LAMB4: variants seen among roughly 807,000 people sequenced by gnomAD.
LAMB4 encodes the protein laminin subunit beta 4.
LAMB4 carries 196 observed loss-of-function variants against 199.2 expected under a neutral mutation model. That is an observed-to-expected ratio of 0.98 (90% confidence interval 0.88 to 1.11). The LOEUF (loss-of-function observed/expected upper bound fraction) is 1.11. LAMB4 is among the 50% of genes least tolerant of loss of function. LAMB4 has a pLI of 0.00. For synonymous variants in LAMB4, 744 were observed against 770.6 expected (o/e 0.97, Z 0.57); for missense variants, 2,080 against 2,171.2 (o/e 0.96, Z 0.83).
chr7:108,018,519 C>G, the LAMB4 span, among the ~76,000 whole-genome samples: 1 of 152,076 alleles, frequency 6.6e-6, no homozygotes, highest in East Asian at 1.9e-4. Context: ...GTGGGTGGAT[C>G]ATGAGGTCGG....
chr7:108,026,730 G>C (rs2034851072), intron 33 of LAMB4: 1 of 297,042 alleles, frequency 3.4e-6, no homozygotes, highest in African/African-American at 2.2e-5. Flanking sequence ...CTGAAGACTA[G>C]AGTCCATTCC....
intron 1 of LAMB4, among the ~76,000 whole-genome samples, chr7:108,128,314 C>A (rs2038865543): frequency 6.6e-6 from 1 of 152,156 alleles, no homozygotes; most frequent in South Asian, 2.1e-4. Flanking sequence ...ATGGTGCCAT[C>A]CCTACTGAAG....
At chr7:108,018,465 C>T in the LAMB4 span, among the ~76,000 whole-genome samples, 3,775 of 152,278 alleles carry the variant, frequency 0.025, 158 homozygotes, top group African/African-American at 0.086. Context: ...CCTGGCCAGG[C>T]GCGGTGTCTC....
the LAMB4 span, among the ~76,000 whole-genome samples, chr7:108,014,416 T>C: frequency 6.6e-6 from 1 of 151,356 alleles, no homozygotes; most frequent in African/African-American, 2.5e-5. Context: ...CCTGTGCTCA[T>C]ATGTTCCAAT....
At chr7:108,020,388 T>C (rs1464195549), downstream of LAMB4, among the ~76,000 whole-genome samples, 3 of 151,082 alleles carry the variant, frequency 2.0e-5, no homozygotes, top group African/African-American at 7.3e-5. Context: ...GGAGAATCGT[T>C]TGAACCTGGG....
intron 1 of LAMB4, among the ~76,000 whole-genome samples, chr7:108,128,540 C>T (rs1191203114): frequency 6.6e-6 from 1 of 152,206 alleles, no homozygotes; most frequent in African/African-American, 2.4e-5. Context: ...CAAAATCACT[C>T]ACCTCTAGTC....
At chr7:108,070,687 T>A (rs2036503121) in intron 17 of LAMB4, among the ~76,000 whole-genome samples, 1 of 152,224 alleles carries the variant, frequency 6.6e-6, no homozygotes. Flanking sequence ...AAAATATATA[T>A]TAATTGGCTG....
intron 31 of LAMB4, among the ~76,000 whole-genome samples, chr7:108,033,919 T>A (rs1400192231): frequency 1.3e-5 from 2 of 152,088 alleles, no homozygotes; most frequent in Non-Finnish European, 2.9e-5. Context: ...ACTAATTAGC[T>A]GTGTGACCTT....
intron 14 of LAMB4, among the ~76,000 whole-genome samples, chr7:108,090,381 A>G (rs994526629): frequency 6.6e-6 from 1 of 152,180 alleles, no homozygotes; most frequent in East Asian, 1.9e-4. Context: ...TGTCATAGGT[A>G]TTATTTTCTA....
intron 20 of LAMB4, 126 bp from the exon 21 acceptor site, chr7:108,066,045 G>T: frequency 9.9e-7 from 1 of 1,008,574 alleles, no homozygotes; most frequent in South Asian, 1.7e-5. Flanking sequence ...ATGTTCATTT[G>T]CTCTGCAAAA....
At chr7:108,079,527 G>T in intron 15 of LAMB4, 74 bp downstream of exon 15, 1 of 1,240,192 alleles carries the variant, frequency 8.1e-7, no homozygotes, top group Non-Finnish European at 1.1e-6. Flanking sequence ...ATTCTAGCAA[G>T]GCTGAAATGG....
intron 28 of LAMB4, among the ~76,000 whole-genome samples, chr7:108,044,681 G>A (rs550818037): frequency 2.8e-4 from 42 of 152,262 alleles, no homozygotes; most frequent in Non-Finnish European, 4.9e-4. Context: ...GCTGGGCATG[G>A]TGGCTCACGC....
chr7:108,035,046 T>C (rs1252287482), intron 30 of LAMB4, among the ~76,000 whole-genome samples: 1 of 152,092 alleles, frequency 6.6e-6, no homozygotes, highest in African/African-American at 2.4e-5. Flanking sequence ...TTGCAAAATA[T>C]TCCCTTTACC....
the LAMB4 span, among the ~76,000 whole-genome samples, chr7:108,015,136 C>T: frequency 5.9e-5 from 9 of 152,134 alleles, no homozygotes; most frequent in Non-Finnish European, 1.3e-4. Context: ...TTCTTGTTTC[C>T]AAGTAAAAGT....
At chr7:108,112,636 C>T (rs563141769) in intron 3 of LAMB4, among the ~76,000 whole-genome samples, 36 of 152,248 alleles carry the variant, frequency 2.4e-4, no homozygotes, top group African/African-American at 8.7e-4. Context: ...AAAGGCTGGC[C>T]TTTGAGTTTG....
intron 26 of LAMB4, among the ~76,000 whole-genome samples, chr7:108,051,063 A>G (rs1048344167): frequency 6.6e-6 from 1 of 152,130 alleles, no homozygotes; most frequent in Non-Finnish European, 1.5e-5. Context: ...TTGGACTGCA[A>G]ATTTGAGAGG....
chr7:108,074,892 G>GT (rs1157563675), intron 17 of LAMB4, among the ~76,000 whole-genome samples: 2 of 152,094 alleles, frequency 1.3e-5, no homozygotes, highest in East Asian at 3.9e-4. Flanking sequence ...TTAGTACAGC[G>GT]TCAAGTGATA....
chr7:108,109,489 A>G (rs1435767699), intron 4 of LAMB4, among the ~76,000 whole-genome samples: 3 of 152,348 alleles, frequency 2.0e-5, no homozygotes, highest in East Asian at 3.9e-4. Flanking sequence ...CATGGCCACT[A>G]TGTGGCAGCA....
intron 31 of LAMB4, among the ~76,000 whole-genome samples, chr7:108,032,962 T>A (rs2035092288): frequency 6.6e-6 from 1 of 152,190 alleles, no homozygotes; most frequent in Non-Finnish European, 1.5e-5. Context: ...TCTGAGACTA[T>A]CAAAAGTTTC....
Sources: gnomAD v4.1 joint callset for allele counts (sites outside exome capture counted in the v4.1 genomes callset) on GRCh38, gnomAD v4.1.1 for gene constraint, MANE v1.5 for transcripts, NCBI Gene and HGNC (gene_info 2026-07-23, HGNC 2026-07-21) for gene names.